Variants in FAM13A observed in about 807,000 individuals in gnomAD.
FAM13A encodes protein FAM13A.
Under a neutral mutation model 129.6 loss-of-function variants are expected in FAM13A, and 76 were observed. The ratio of observed to expected loss-of-function variants is 0.59; its 90% confidence interval spans 0.49 to 0.71. FAM13A has a LOEUF of 0.71. Among genes scored for constraint, FAM13A ranks in the 30% least tolerant of loss-of-function variants. The probability of loss-of-function intolerance (pLI) is 0.00; values close to 1 mark genes in which losing one functional copy is unlikely to be tolerated. For missense variants in FAM13A, 1,108 were observed against 1,249.3 expected, an observed-to-expected ratio of 0.89 and a Z score of 1.70; for synonymous variants, 443 against 449.9, an observed-to-expected ratio of 0.98 and a Z score of 0.20.
intron 15 of FAM13A, 44 bp from the exon 16 acceptor site, chr4:88,749,953 C>A (rs762760878): frequency 6.2e-7 from 1 of 1,606,308 alleles, no homozygotes; most frequent in Non-Finnish European, 8.5e-7. Context: ...GGAGCAGTCA[C>A]TGCTTGCCTA....
chr4:88,768,997 T>C (rs768445577), intron 11 of FAM13A, among the ~76,000 whole-genome samples: 16 of 152,190 alleles, frequency 1.1e-4, no homozygotes, highest in Non-Finnish European at 2.1e-4. Context: ...CCTTGGAAAT[T>C]TGGACCTGAA....
chr4:88,816,116 AAGC>A, intron 7 of FAM13A, among the ~76,000 whole-genome samples: 1 of 152,156 alleles, frequency 6.6e-6, no homozygotes. Context: ...AAGAAAAAAG[AAGC>A]AGAAGAGGAA....
chr4:88,966,313 T>G (rs1759343810), intron 4 of FAM13A, among the ~76,000 whole-genome samples: 1 of 152,194 alleles, frequency 6.6e-6, no homozygotes, highest in Non-Finnish European at 1.5e-5. Context: ...GAAATAAAAC[T>G]GATCCTTCAT....
chr4:88,785,761 C>A (rs187426119), intron 10 of FAM13A, among the ~76,000 whole-genome samples: 4 of 152,272 alleles, frequency 2.6e-5, no homozygotes, highest in Admixed American at 2.0e-4. Context: ...GGGTCTCACT[C>A]TTCCAAAGAC....
At chr4:88,816,707 G>A (rs1730802206) in intron 7 of FAM13A, among the ~76,000 whole-genome samples, 1 of 152,124 alleles carries the variant, frequency 6.6e-6, no homozygotes, top group Non-Finnish European at 1.5e-5. Context: ...CCAAATACAT[G>A]CCATGATCAT....
chr4:88,775,565 G>T (rs1016478460), intron 11 of FAM13A, among the ~76,000 whole-genome samples: 2 of 152,012 alleles, frequency 1.3e-5, no homozygotes, highest in Non-Finnish European at 2.9e-5. Context: ...AAATTAGCTG[G>T]GTGTGGTGGC....
chr4:88,881,686 G>A (rs536525674), intron 6 of FAM13A, among the ~76,000 whole-genome samples: 1 of 152,114 alleles, frequency 6.6e-6, no homozygotes, highest in African/African-American at 2.4e-5. Flanking sequence ...AATCAAGGAG[G>A]CACTACAGAA....
chr4:88,993,630 A>G (rs929690496), intron 3 of FAM13A, among the ~76,000 whole-genome samples: 55 of 152,340 alleles, frequency 3.6e-4, no homozygotes, highest in African/African-American at 1.3e-3. Flanking sequence ...CAATTTTTCC[A>G]GGAAATAAAA....
intron 4 of FAM13A, among the ~76,000 whole-genome samples, chr4:88,964,252 T>G (rs1026958666): frequency 2.0e-5 from 3 of 152,202 alleles, no homozygotes; most frequent in African/African-American, 7.2e-5. Flanking sequence ...TTTCTTTGCC[T>G]GTGGGAAGTA....
intron 14 of FAM13A, among the ~76,000 whole-genome samples, chr4:88,753,983 G>C (rs1261366051): frequency 6.6e-6 from 1 of 152,202 alleles, no homozygotes. Context: ...AGCAAGGAGA[G>C]AGATAGGAAT....
At chr4:88,972,586 C>A (rs1246567810) in intron 4 of FAM13A, among the ~76,000 whole-genome samples, 1 of 152,046 alleles carries the variant, frequency 6.6e-6, no homozygotes, top group African/African-American at 2.4e-5. Context: ...CAGGTGTGAG[C>A]CACTGCACCC....
intron 5 of FAM13A, among the ~76,000 whole-genome samples, chr4:88,931,451 G>T (rs780031081): frequency 6.6e-6 from 1 of 152,030 alleles, no homozygotes; most frequent in Admixed American, 6.5e-5. Flanking sequence ...GCCTCTCCTG[G>T]CTCTCAGTCA....
intron 17 of FAM13A, 63 bp downstream of exon 17, chr4:88,748,889 G>T: frequency 9.0e-7 from 1 of 1,106,404 alleles, no homozygotes; most frequent in Non-Finnish European, 1.4e-6. Context: ...CAGTGGGAGA[G>T]GAGGTGAGAG....
At chr4:88,977,331 G>A (rs1171859205) in intron 4 of FAM13A, among the ~76,000 whole-genome samples, 1 of 152,134 alleles carries the variant, frequency 6.6e-6, no homozygotes, top group Non-Finnish European at 1.5e-5. Context: ...GATATGATGT[G>A]CAAAGAGATG....
chr4:88,921,670 C>A (rs2148718677), intron 5 of FAM13A, among the ~76,000 whole-genome samples: 1 of 152,258 alleles, frequency 6.6e-6, no homozygotes, highest in Non-Finnish European at 1.5e-5. Flanking sequence ...CAGCTAACAT[C>A]ACAATGACAG....
chr4:88,761,008 A>G (rs1560920287), intron 13 of FAM13A, among the ~76,000 whole-genome samples: 1 of 152,240 alleles, frequency 6.6e-6, no homozygotes, highest in Non-Finnish European at 1.5e-5. Context: ...CACGAGGAAC[A>G]TACATCAAGT....
chr4:89,001,175 T>C (rs965427370), intron 3 of FAM13A, among the ~76,000 whole-genome samples: 2 of 152,222 alleles, frequency 1.3e-5, no homozygotes, highest in East Asian at 1.9e-4. Flanking sequence ...TGGGTGGTTA[T>C]AGATACAAAT....
At chr4:88,970,777 G>C (rs1759974612) in intron 4 of FAM13A, among the ~76,000 whole-genome samples, 1 of 152,112 alleles carries the variant, frequency 6.6e-6, no homozygotes, top group Admixed American at 6.5e-5. Flanking sequence ...CTGTGGGACA[G>C]ATGGCTTAAT....
chr4:88,836,318 T>C (rs1734794952), intron 7 of FAM13A, among the ~76,000 whole-genome samples: 1 of 152,240 alleles, frequency 6.6e-6, no homozygotes, highest in Non-Finnish European at 1.5e-5. Flanking sequence ...CAGTAATACA[T>C]TTCTATGACA....
Sources: gnomAD v4.1 joint callset for allele counts (sites outside exome capture counted in the v4.1 genomes callset) on GRCh38, gnomAD v4.1.1 for gene constraint, MANE v1.5 for transcripts, NCBI Gene and HGNC (gene_info 2026-07-23, HGNC 2026-07-21) for gene names.